Variants in SH3BP2 observed in about 807,000 individuals in gnomAD.
SH3BP2 encodes SH3 domain binding protein 2.
A neutral mutation model predicts 56.2 loss-of-function variants in SH3BP2; 38 were observed. That is an observed-to-expected ratio of 0.68 (90% CI 0.52 to 0.89). The LOEUF is 0.89. Among genes scored for constraint, SH3BP2 ranks in the 40% least tolerant of loss-of-function variants. The pLI is 0.00. For missense variants in SH3BP2, 748 were observed against 762.6 expected (o/e 0.98, Z 0.23); for synonymous variants, 346 against 316.7 (o/e 1.09, Z -0.98).
At chr4:2,825,307 G>T in intron 5 of SH3BP2, 111 bp downstream of exon 5, 1 of 912,596 alleles carries the variant, frequency 1.1e-6, no homozygotes, top group East Asian at 2.6e-5. Context: ...CGTCCTTAAA[G>T]GTTTCCTGGA....
At chr4:2,828,618 A>T (rs1040547216) in intron 7 of SH3BP2, among the ~76,000 whole-genome samples, 4 of 151,992 alleles carry the variant, frequency 2.6e-5, no homozygotes, top group Non-Finnish European at 5.9e-5. Flanking sequence ...GCCTTGGTGA[A>T]CTCAGACTCC....
chr4:2,810,558 C>T lies in SH3BP2; in HGVS notation c.-4-10056C>T, dbSNP rs752467003. On this transcript the variant is annotated intron_variant, in intron 1 of 12. Coordinates refer to ENST00000503393, the MANE Select transcript of SH3BP2 (RefSeq NM_001122681.2). The surrounding 1 kb of genome is among the most constrained non-coding windows in gnomAD (Gnocchi z 4.2). ...GCGCCGGCTGCCTCTGGGTTCTTAT[C>T]TTCATGGGTTGTCATCCCTGAAGCT... is the stretch of plus-strand genomic sequence containing the variant. 6.6e-6 allele frequency among the ~76,000 whole-genome samples: 1 copy of T among 151,982 alleles called. No homozygotes were observed. The highest frequency in any genetic ancestry group is 2.1e-4 in the South Asian group (1 of 4,822).
intron 1 of SH3BP2, among the ~76,000 whole-genome samples, chr4:2,813,292 G>T (rs955047408): frequency 6.6e-6 from 1 of 152,228 alleles, no homozygotes; most frequent in African/African-American, 2.4e-5. Flanking sequence ...GGCCGGGGGT[G>T]GTGCGTGAGC....
Position 2,818,904 on chromosome 4 carries a change from T to C in SH3BP2, c.-4-1710T>C, listed in dbSNP as rs909675026. 12 of 985,286 alleles carry C rather than the reference T, an allele frequency of 1.2e-5. No individual in the cohort carries two copies. The Admixed American group carries it at 6.1e-4, about 50-fold the overall frequency. 61.0% of individuals were successfully genotyped at this position (985,286 alleles called of 1,614,324 possible). A position where few individuals can be genotyped will look rare whatever the true frequency, so the allele number is the denominator to read the frequency against. ...CTTTTGTTGGAGGGTGCTGGTTTGC[T>C]AAAAGCAGAGAGTATTTTTCTTTTT... is the stretch of plus-strand genomic sequence containing the variant. On this transcript the variant is annotated intron_variant, in intron 1 of 12. Transcript: ENST00000503393.
chr4:2,831,691 C>T lies in SH3BP2; in HGVS notation c.1350+12C>T, dbSNP rs372590140. 1.8e-5 allele frequency: 28 copies of T among 1,575,660 alleles called. No homozygotes were observed. Among genetic ancestry groups the T allele is most frequent in the African/African-American group, 8.1e-5 (6 of 73,950 alleles). On this transcript the variant is annotated intron_variant, in intron 9 of 12. Coordinates refer to ENST00000503393, the MANE Select transcript of SH3BP2 (RefSeq NM_001122681.2). The surrounding 1 kb of genome is among the most constrained non-coding windows in gnomAD (Gnocchi z 4.1). ...AGGACTATGAGAAGGCAAGGCTGAGCGGCAAGCCTGGGTCCCAGTGGCCAG... is the reference window on the plus strand; with the variant it reads ...AGGACTATGAGAAGGCAAGGCTGAGTGGCAAGCCTGGGTCCCAGTGGCCAG...
At position 2,836,996 on chromosome 4, in the gene SH3BP2, T is replaced by C. The variant is rs1725255415; in HGVS notation, c.*3162T>C. ...TCTTCCTGTGGTTCCATCCGAAGGA[T>C]TGTGGTGAGCCCCGTGCCTTCAGTT... On this transcript the variant is annotated 3_prime_UTR_variant, in exon 13 of 13. Coordinates refer to ENST00000503393, the MANE Select transcript of SH3BP2 (RefSeq NM_001122681.2). 6.6e-6 allele frequency: 1 copy of C among 152,226 alleles called. No individual in the cohort carries two copies. The highest frequency in any genetic ancestry group is 1.5e-5 in the Non-Finnish European group (1 of 68,042). The allele number at this position is 152,226 out of a possible 1,614,324, so 9.4% of individuals were successfully genotyped here. A position where few individuals can be genotyped will look rare whatever the true frequency, so the allele number is the denominator to read the frequency against.
chr4:2,832,552 G>A (rs968377870), intron 11 of SH3BP2, 140 bp downstream of exon 11: 6 of 743,918 alleles, frequency 8.1e-6, no homozygotes, highest in Non-Finnish European at 1.2e-5. Context: ...TCTCTTCCCA[G>A]CAGCACCCCC....
chr4:2,830,187 C>T (rs59360049), intron 8 of SH3BP2, 40 bp downstream of exon 8: 1 of 1,573,984 alleles, frequency 6.4e-7, no homozygotes, highest in Non-Finnish European at 8.6e-7. Context: ...CCTCCAGCTA[C>T]AGGGACCCTG....
intron 8 of SH3BP2, among the ~76,000 whole-genome samples, chr4:2,830,564 T>C (rs1461789651): frequency 6.6e-6 from 1 of 152,212 alleles, no homozygotes; most frequent in Non-Finnish European, 1.5e-5. Context: ...GGTTTCACTA[T>C]GTTGGCCAGG....
chr4:2,825,026 T>C (rs973594659), intron 4 of SH3BP2, 100 bp from the exon 5 acceptor site: 1 of 1,176,252 alleles, frequency 8.5e-7, no homozygotes, highest in Non-Finnish European at 1.2e-6. Context: ...TCCTCTGACC[T>C]TGGGAGTCAC....
Position 2,831,946 on chromosome 4 carries a change from C to G in SH3BP2, c.1374C>G (p.Phe458Leu), listed in dbSNP as rs748346628. The G allele has an allele frequency of 6.2e-7, 1 of 1,612,924 alleles. No individual in the cohort carries two copies. The highest frequency in any genetic ancestry group is 1.3e-5 in the African/African-American group (1 of 74,936). Reference protein sequence around the residue: ...YEKVPLPNSVFVNTTESCEVE... With the variant: ...YEKVPLPNSVLVNTTESCEVE... ...AGGTGCCACTGCCCAACTCGGTCTT[C>G]GTCAACACCACGGAGTCCTGCGAAG... The change falls in exon 10 of 13, where the codon TTC (phenylalanine) becomes TTG (leucine). Residue 458 changes from phenylalanine (F) to leucine (L), a missense_variant. Phe to Leu is a conservative substitution (Grantham distance 22, BLOSUM62 0). This residue lies in a region of SH3BP2 where 635 missense variants were observed against 615.0 expected (regional missense o/e 1.03). Coordinates refer to ENST00000503393, the MANE Select transcript of SH3BP2 (RefSeq NM_001122681.2). This position sits in a 1 kb window ranked among gnomAD's most constrained non-coding sequence, Gnocchi z 4.1.
intron 1 of SH3BP2, among the ~76,000 whole-genome samples, chr4:2,794,570 G>C (rs2108692120): frequency 6.6e-6 from 1 of 152,308 alleles, no homozygotes; most frequent in East Asian, 1.9e-4. Context: ...CCTGCGTTAG[G>C]CACACCCTGG....
chr4:2,829,305 T>G lies in SH3BP2; in HGVS notation c.587-188T>G, dbSNP rs1724845246. ...GAGGATGAATGGGGAAGGCTGGGGG[T>G]GGTGGGTGGTCTGGGACCCTGGGGA... On this transcript the variant is annotated intron_variant, in intron 7 of 12. Transcript: ENST00000503393. The surrounding 1 kb of genome is among the most constrained non-coding windows in gnomAD (Gnocchi z 4.9). Among the ~76,000 whole-genome samples the G allele has an allele frequency of 1.4e-5, 2 of 144,512 alleles. No individual in the cohort carries two copies. The highest frequency in any genetic ancestry group is 2.6e-5 in the African/African-American group (1 of 38,406). The allele number at this position is 144,512 out of a possible 152,430, so 94.8% of individuals were successfully genotyped here.
At chr4:2,821,953 C>T (rs879654755) in intron 2 of SH3BP2, among the ~76,000 whole-genome samples, 1 of 149,064 alleles carries the variant, frequency 6.7e-6, no homozygotes, top group Non-Finnish European at 1.5e-5. Context: ...CTGTAACGTC[C>T]ACCTCCTGGG....
At position 2,810,436 on chromosome 4, in the gene SH3BP2, G is replaced by A. The variant is rs1301809782; in HGVS notation, c.-4-10178G>A. 2.6e-5 allele frequency among the ~76,000 whole-genome samples: 4 copies of A among 151,592 alleles called. No homozygotes were observed. In the South Asian group the frequency reaches 8.3e-4, roughly 32 times the overall value. On this transcript the variant is annotated intron_variant, in intron 1 of 12. Coordinates refer to ENST00000503393, the MANE Select transcript of SH3BP2 (RefSeq NM_001122681.2). This position sits in a 1 kb window ranked among gnomAD's most constrained non-coding sequence, Gnocchi z 4.2. ...AGTCTATGAGTGTGGGGCTTTTGGC[G>A]GAGCAAGGGCAGGGGCGAGCCTGGC...
At position 2,820,603 on chromosome 4, in the gene SH3BP2, C is replaced by T. The variant is rs771451768; in HGVS notation, c.-4-11C>T. ...CGTAGCTGAGCCACGTGCCTTTGTC[C>T]TTTATTGCAGCTTCATGGCGGCTGA... is the stretch of plus-strand genomic sequence containing the variant. On this transcript the variant is annotated splice_polypyrimidine_tract_variant and intron_variant, in intron 1 of 12. Coordinates refer to ENST00000503393, the MANE Select transcript of SH3BP2 (RefSeq NM_001122681.2). 2 of 1,614,138 alleles carry T rather than the reference C, an allele frequency of 1.2e-6. No individual in the cohort carries two copies. The highest frequency in any genetic ancestry group is 1.1e-5 in the South Asian group (1 of 91,092).
At position 2,831,876 on chromosome 4, in the gene SH3BP2, G is replaced by A. The variant is rs780682076; in HGVS notation, c.1351-47G>A. On this transcript the variant is annotated intron_variant, in intron 9 of 12. Transcript: ENST00000503393. The surrounding 1 kb of genome is among the most constrained non-coding windows in gnomAD (Gnocchi z 4.1). ...GCCACCGTCCGGGGAGTGGTGGTGC[G>A]GGTGGATCACTCCGACGTTGGCACT... The A allele has an allele frequency of 3.1e-6, 5 of 1,597,492 alleles. No individual in the cohort carries two copies. The highest frequency in any genetic ancestry group is 1.7e-5 in the Admixed American group (1 of 59,718).
At chr4:2,798,855 G>C (rs868203896) in intron 1 of SH3BP2, 4 of 537,562 alleles carry the variant, frequency 7.4e-6, no homozygotes, top group Non-Finnish European at 9.5e-6. Flanking sequence ...AGGCCAGGCC[G>C]TGTGACCTGG....
chr4:2,798,922 C>A (rs766903978), intron 1 of SH3BP2: 76 of 917,818 alleles, frequency 8.3e-5, no homozygotes, highest in Non-Finnish European at 9.2e-5. Flanking sequence ...TCATGGGATG[C>A]GTGAGGGTGA....
Sources: gnomAD v4.1 joint callset for allele counts (sites outside exome capture counted in the v4.1 genomes callset) on GRCh38, gnomAD v4.1.1 for gene constraint, gnomAD v4.1.1 regional missense constraint, Gnocchi (gnomAD v3.1) non-coding constraint, MANE v1.5 for transcripts, NCBI Gene and HGNC (gene_info 2026-07-23, HGNC 2026-07-21) for gene names.